PUM1: variants seen among roughly 807,000 people sequenced by gnomAD.
The protein encoded by PUM1 is pumilio homolog 1.
In PUM1, 13 loss-of-function variants were observed where a neutral mutation model predicts 131.8. The ratio of observed to expected loss-of-function variants is 0.10; its 90% CI spans 0.06 to 0.16. PUM1 has a LOEUF of 0.16. PUM1 is among the 10% of genes least tolerant of loss of function. The pLI is 1.00. For synonymous variants in PUM1, 509 were observed against 556.5 expected (o/e 0.91, Z 1.20); for missense variants, 961 against 1,512.4 (o/e 0.64, Z 6.05).
intron 2 of PUM1, among the ~76,000 whole-genome samples, chr1:31,038,984 A>ATATATATTT: frequency 4.9e-4 from 24 of 49,410 alleles, no homozygotes; most frequent in Non-Finnish European, 6.7e-4. Flanking sequence ...ATATATATAT[A>ATATATATTT]TTTTTTTTTT....
At chr1:30,968,683 T>A (rs540034583) in intron 10 of PUM1, among the ~76,000 whole-genome samples, 191 bp from the exon 11 acceptor site, 10 of 152,188 alleles carry the variant, frequency 6.6e-5, no homozygotes, top group Non-Finnish European at 1.5e-4. Context: ...ATTCTACCAT[T>A]CTTACTTTAA....
chr1:30,945,747 C>CA lies in PUM1; in HGVS notation c.2857-265dup, dbSNP rs1235820140. Among the ~76,000 whole-genome samples, 35 of 152,170 alleles carry CA rather than the reference C, an allele frequency of 2.3e-4. No homozygotes were observed. In the East Asian group the frequency reaches 4.2e-3, roughly 18 times the overall value. Reference sequence around the variant, plus strand: ...CAAAAAGATCTCACACCTGTAAAAACAAAAAACAAAGAAAAGCCTCTTAAG... The same window carrying CA: ...CAAAAAGATCTCACACCTGTAAAAACAAAAAAACAAAGAAAAGCCTCTTAAG... On this transcript the variant is annotated intron_variant, in intron 17 of 21. Coordinates refer to ENST00000426105, the MANE Select transcript of PUM1 (RefSeq NM_001020658.2).
chr1:30,957,087 T>TACACACACACACACACACACACACACAC (rs58044891), intron 14 of PUM1, among the ~76,000 whole-genome samples: 3 of 139,904 alleles, frequency 2.1e-5, no homozygotes, highest in Admixed American at 1.4e-4. Context: ...AGGACATTCA[T>TACACACACACACACACACACACACACAC]ACACACACAC....
intron 2 of PUM1, among the ~76,000 whole-genome samples, chr1:31,053,887 G>GCTCAA (rs1172894297): frequency 2.6e-5 from 4 of 152,056 alleles, no homozygotes; most frequent in Non-Finnish European, 4.4e-5. Flanking sequence ...CTGAGGTTAG[G>GCTCAA]AGTTCGAGAC....
intron 20 of PUM1, 33 bp from the exon 21 acceptor site, chr1:30,936,868 C>G: frequency 6.5e-7 from 1 of 1,528,980 alleles, no homozygotes; most frequent in Non-Finnish European, 9.0e-7. Flanking sequence ...ACAACTCTTA[C>G]AAGAGAGGCC....
rs1638980038 is a variant in PUM1, at chr1:30,931,637, C to T, written c.*1574G>A. 1 of 152,624 alleles carries T rather than the reference C, an allele frequency of 6.6e-6. No homozygotes were observed. The highest frequency in any genetic ancestry group is 6.5e-5 in the Admixed American group (1 of 15,286). The allele number at this position is 152,624 out of a possible 1,614,324, so 9.5% of individuals were successfully genotyped here. On this transcript the variant is annotated 3_prime_UTR_variant, in exon 22 of 22. Transcript: ENST00000426105. The stretch of plus-strand genomic sequence containing the variant: ...TTTGTTAATTATACACATATGGTTA[C>T]AAGTGTGCTTGCAAAAAAGTTCATT...
chr1:30,972,731 A>C (rs1225203502), intron 10 of PUM1, among the ~76,000 whole-genome samples: 1 of 151,400 alleles, frequency 6.6e-6, no homozygotes, highest in African/African-American at 2.4e-5. Flanking sequence ...CCAAGAGCTC[A>C]CTGCACTCCA....
chr1:31,064,004 T>C (rs1454145525), intron 1 of PUM1, among the ~76,000 whole-genome samples: 1 of 152,222 alleles, frequency 6.6e-6, no homozygotes, highest in African/African-American at 2.4e-5. Context: ...AATGTGATTT[T>C]TTTACAAATG....
At chr1:31,009,767 C>CAAAAAAACAAAAA (rs1197554869) in intron 3 of PUM1, among the ~76,000 whole-genome samples, 1 of 54,684 alleles carries the variant, frequency 1.8e-5, no homozygotes, top group African/African-American at 6.5e-5. Context: ...GACTCTGTCT[C>CAAAAAAACAAAAA]AAAAAAAAAA....
At chr1:31,009,267 A>AT (rs375713847) in intron 3 of PUM1, among the ~76,000 whole-genome samples, 8 of 151,728 alleles carry the variant, frequency 5.3e-5, no homozygotes, top group Admixed American at 1.3e-4. Context: ...TAAAATTCTG[A>AT]TTTTTTTTCT....
rs910929449 is a variant in PUM1, at chr1:30,936,539, GA to G, written c.3435+103del. ...AACACAGCATGGGACAGAGGTCAGT[GA>G]CAAACTCTTCAAAAACAGCAGGGCA... On this transcript the variant is annotated intron_variant, in intron 21 of 21. Transcript: ENST00000426105. The G allele has an allele frequency of 1.5e-5, 17 of 1,133,878 alleles. No homozygotes were observed. The African/African-American group carries it at 2.7e-4, about 18-fold the overall frequency. The allele number at this position is 1,133,878 out of a possible 1,614,324, so 70.2% of individuals were successfully genotyped here.
chr1:31,065,570 A>G, intron 1 of PUM1, 46 bp downstream of exon 1: 1 of 1,531,068 alleles, frequency 6.5e-7, no homozygotes, highest in African/African-American at 1.4e-5. Flanking sequence ...TCTGCTCGTT[A>G]GGGGTCCGGA....
intron 3 of PUM1, among the ~76,000 whole-genome samples, chr1:31,020,939 C>T (rs1442134027): frequency 2.0e-5 from 3 of 152,144 alleles, no homozygotes; most frequent in Admixed American, 1.3e-4. Flanking sequence ...AGGAATTACA[C>T]ACAACATAGT....
intron 21 of PUM1, 86 bp from the exon 22 acceptor site, chr1:30,933,428 T>TCACACACACACACA (rs1223375046): frequency 2.2e-5 from 21 of 950,564 alleles, no homozygotes; most frequent in African/African-American, 1.1e-4. Context: ...ATGTCATGCA[T>TCACACACACACACA]CACACACACA....
At chr1:30,985,168 T>C (rs1342294065) in intron 7 of PUM1, among the ~76,000 whole-genome samples, 4 of 152,220 alleles carry the variant, frequency 2.6e-5, no homozygotes, top group Non-Finnish European at 4.4e-5. Context: ...GGCAGGTTGC[T>C]GTGGGGATTA....
At chr1:30,955,899 C>A (rs930139838) in intron 14 of PUM1, among the ~76,000 whole-genome samples, 1 of 152,194 alleles carries the variant, frequency 6.6e-6, no homozygotes, top group Non-Finnish European at 1.5e-5. Context: ...AAGCCCAATT[C>A]TATGTTAGAA....
chr1:31,006,077 A>G, intron 4 of PUM1, 46 bp from the exon 5 acceptor site: 1 of 1,480,882 alleles, frequency 6.8e-7, no homozygotes, highest in African/African-American at 1.4e-5. Context: ...CCAGAGGCTC[A>G]AACAAATTAT....
At chr1:31,050,313 T>C (rs1644078435) in intron 2 of PUM1, among the ~76,000 whole-genome samples, 1 of 151,928 alleles carries the variant, frequency 6.6e-6, no homozygotes, top group South Asian at 2.1e-4. Flanking sequence ...TGTGAAACCC[T>C]GTCTCTACTA....
intron 2 of PUM1, among the ~76,000 whole-genome samples, chr1:31,058,073 T>A (rs1224037383): frequency 6.6e-6 from 1 of 152,182 alleles, no homozygotes; most frequent in Non-Finnish European, 1.5e-5. Context: ...TTAATAAGAC[T>A]GAACATGTTA....
Sources: gnomAD v4.1 joint callset for allele counts (sites outside exome capture counted in the v4.1 genomes callset) on GRCh38, gnomAD v4.1.1 for gene constraint, MANE v1.5 for transcripts, NCBI Gene and HGNC (gene_info 2026-07-23, HGNC 2026-07-21) for gene names.